CLDN20: variants seen among roughly 807,000 people sequenced by gnomAD.
The protein encoded by CLDN20 is claudin 20.
For missense variants in CLDN20, 258 were observed against 267.9 expected (o/e 0.96, Z 0.26); for synonymous variants, 104 against 103.6 (o/e 1.00, Z -0.03).
At chr6:155,272,612 C>T (rs980750379) in intron 1 of CLDN20, among the ~76,000 whole-genome samples, 2 of 151,938 alleles carry the variant, frequency 1.3e-5, no homozygotes, top group Non-Finnish European at 2.9e-5. Context: ...GTATTATACT[C>T]GTGGCTGGAG....
At chr6:155,272,966 T>C (rs1785002833) in intron 1 of CLDN20, among the ~76,000 whole-genome samples, 1 of 152,078 alleles carries the variant, frequency 6.6e-6, no homozygotes, top group African/African-American at 2.4e-5. Flanking sequence ...GGTTATTCAG[T>C]CAAAGTAGAA....
chr6:155,273,938 T>A (rs894018534), intron 1 of CLDN20, among the ~76,000 whole-genome samples: 1 of 152,318 alleles, frequency 6.6e-6, no homozygotes. Flanking sequence ...TAAACATCAA[T>A]TGTCACAATA....
rs1225700322 is a variant in CLDN20, at chr6:155,276,147, T to A, written c.428T>A (p.Ile143Asn). The A allele has an allele frequency of 1.2e-6, 2 of 1,614,004 alleles. No homozygotes were observed. Among genetic ancestry groups the A allele is most frequent in the East Asian group, 4.5e-5 (2 of 44,894 alleles). Residue 143 changes from isoleucine to asparagine, a missense_variant, in exon 2 of 2, where the codon ATC (isoleucine) becomes AAC (asparagine). Coordinates refer to ENST00000367165, the MANE Select transcript of CLDN20 (RefSeq NM_001001346.3). ...TCGACAGTGTGGTACACAAAGGAGA[T>A]CATAGCAAACTTTCTGGATCTGACA... Reference protein sequence around the residue: ...LISTVWYTKEIIANFLDLTVP... With the variant: ...LISTVWYTKENIANFLDLTVP...
Position 155,276,172 on chromosome 6 carries a change from A to C in CLDN20, c.453A>C (p.Thr151=). Residue 151 remains threonine, a synonymous_variant, in exon 2 of 2, where the codon ACA becomes ACC. Coordinates refer to ENST00000367165, the MANE Select transcript of CLDN20 (RefSeq NM_001001346.3). The part of the protein sequence containing the change: ...KEIIANFLDL[T]VPESNKHEPG... ...TCATAGCAAACTTTCTGGATCTGAC[A>C]GTTCCAGAAAGCAACAAACATGAAC... 6.2e-7 allele frequency: 1 copy of C among 1,614,208 alleles called. No individual in the cohort carries two copies. The highest frequency in any genetic ancestry group is 8.5e-7 in the Non-Finnish European group (1 of 1,180,024).
chr6:155,266,736 A>G (rs1230669278), intron 1 of CLDN20, among the ~76,000 whole-genome samples: 1 of 150,322 alleles, frequency 6.7e-6, no homozygotes, highest in Non-Finnish European at 1.5e-5. Flanking sequence ...AGTCCCCGCT[A>G]CTTGGGAGGC....
At chr6:155,270,766 C>G (rs1784881349) in intron 1 of CLDN20, among the ~76,000 whole-genome samples, 1 of 152,186 alleles carries the variant, frequency 6.6e-6, no homozygotes, top group Admixed American at 6.5e-5. Context: ...CCATGGCGAC[C>G]AGCGAAACAA....
At chr6:155,268,489 G>T (rs1784764385) in intron 1 of CLDN20, among the ~76,000 whole-genome samples, 1 of 152,172 alleles carries the variant, frequency 6.6e-6, no homozygotes, top group Non-Finnish European at 1.5e-5. Context: ...GTGTGGTATT[G>T]TTATTTCCAA....
intron 1 of CLDN20, among the ~76,000 whole-genome samples, chr6:155,273,492 A>C (rs1562396179): frequency 6.6e-6 from 1 of 152,246 alleles, no homozygotes; most frequent in Non-Finnish European, 1.5e-5. Context: ...GCCAGGCATC[A>C]ATCTCCTTGC....
chr6:155,269,922 A>T (rs1182945223), intron 1 of CLDN20, among the ~76,000 whole-genome samples: 1 of 152,230 alleles, frequency 6.6e-6, no homozygotes, highest in Non-Finnish European at 1.5e-5. Flanking sequence ...CCAGGCACTG[A>T]TCCTGGCACA....
chr6:155,264,931 G>A (rs990628673), intron 1 of CLDN20, among the ~76,000 whole-genome samples: 24 of 152,174 alleles, frequency 1.6e-4, no homozygotes, highest in African/African-American at 4.1e-4. Context: ...GGAGATGCAC[G>A]TGTAATCCTC....
intron 1 of CLDN20, among the ~76,000 whole-genome samples, chr6:155,266,720 G>A (rs894081349): frequency 4.6e-5 from 7 of 151,826 alleles, no homozygotes; most frequent in African/African-American, 9.7e-5. Context: ...GGTGGCGGCC[G>A]CCTGTAGTCC....
intron 1 of CLDN20, among the ~76,000 whole-genome samples, chr6:155,266,261 G>A (rs1006942923): frequency 2.0e-5 from 3 of 152,178 alleles, no homozygotes; most frequent in African/African-American, 7.2e-5. Context: ...ATACAAGGAT[G>A]GGGCTCCATC....
intron 1 of CLDN20, among the ~76,000 whole-genome samples, chr6:155,270,145 T>C (rs1784856198): frequency 6.6e-6 from 1 of 152,162 alleles, no homozygotes; most frequent in African/African-American, 2.4e-5. Flanking sequence ...GGCGGCCAAA[T>C]GGAAGGAAGG....
intron 1 of CLDN20, among the ~76,000 whole-genome samples, chr6:155,271,903 TAAC>T (rs956534069): frequency 6.6e-6 from 1 of 152,318 alleles, no homozygotes; most frequent in Non-Finnish European, 1.5e-5. Flanking sequence ...AATCCTGTTG[TAAC>T]AACAATTCCC....
At chr6:155,272,439 G>C (rs947895274) in intron 1 of CLDN20, among the ~76,000 whole-genome samples, 23 of 151,970 alleles carry the variant, frequency 1.5e-4, no homozygotes, top group Non-Finnish European at 8.8e-5. Flanking sequence ...GGGACCATGA[G>C]AGAGTTTTCA....
At chr6:155,269,470 T>C (rs532135031) in intron 1 of CLDN20, among the ~76,000 whole-genome samples, 6 of 152,076 alleles carry the variant, frequency 3.9e-5, no homozygotes, top group African/African-American at 1.2e-4. Flanking sequence ...TAATGGCATG[T>C]GCCACTACGC....
At chr6:155,271,221 G>C (rs890662129) in intron 1 of CLDN20, among the ~76,000 whole-genome samples, 2 of 152,096 alleles carry the variant, frequency 1.3e-5, no homozygotes, top group African/African-American at 2.4e-5. Flanking sequence ...TCTGTATAAT[G>C]GCTATGAATT....
rs954386379 is a variant in CLDN20, at chr6:155,275,604, T to C, written c.-104-12T>C. On this transcript the variant is annotated splice_polypyrimidine_tract_variant and intron_variant, in intron 1 of 1. Transcript: ENST00000367165. ...TCTTTCGCTCAATCCTGGTTTTGCCTTTTTTCCTTAGGCTTTGTTATTTGG... is the reference window on the plus strand; with the variant it reads ...TCTTTCGCTCAATCCTGGTTTTGCCCTTTTTCCTTAGGCTTTGTTATTTGG... The C allele has an allele frequency of 8.1e-6, 9 of 1,117,678 alleles. No individual in the cohort carries two copies. Among genetic ancestry groups the C allele is most frequent in the East Asian group, 4.8e-5 (2 of 41,970 alleles). 69.2% of individuals were successfully genotyped at this position (1,117,678 alleles called of 1,614,324 possible).
rs1434315191 is a variant in CLDN20, at chr6:155,264,269, C to T, written c.-124C>T. ...GTCCACTTTAGGACATCACGGGCCT[C>T]GAGGTTACAACTTTCCCAGGTAAGG... On this transcript the variant is annotated 5_prime_UTR_variant, in exon 1 of 2. Transcript: ENST00000367165. 2 of 152,096 alleles carry T rather than the reference C, an allele frequency of 1.3e-5. No individual in the cohort carries two copies. Among genetic ancestry groups the T allele is most frequent in the Non-Finnish European group, 2.9e-5 (2 of 68,028 alleles). The allele number at this position is 152,096 out of a possible 1,614,324, so 9.4% of individuals were successfully genotyped here.
Sources: allele counts gnomAD v4.1 joint callset (sites outside exome capture counted in the v4.1 genomes callset), GRCh38; gene constraint gnomAD v4.1.1; transcripts MANE v1.5; gene names NCBI Gene and HGNC (gene_info 2026-07-23, HGNC 2026-07-21).